P2RX7: variants seen among roughly 807,000 people sequenced by gnomAD.
The protein encoded by P2RX7 is P2X purinoceptor 7.
Under a neutral mutation model 71.6 loss-of-function variants are expected in P2RX7, and 62 were observed. The observed-to-expected ratio is 0.87, with a 90% CI of 0.71 to 1.07. The LOEUF (loss-of-function observed/expected upper bound fraction) is 1.07, where lower values mean the gene tolerates loss of function less well. Among genes scored for constraint, P2RX7 ranks in the 50% least tolerant of loss-of-function variants. The pLI is 0.00. For missense variants in P2RX7, 686 were observed against 748.5 expected, an observed-to-expected ratio of 0.92 and a Z score of 0.97; for synonymous variants, 299 against 283.3, an observed-to-expected ratio of 1.06 and a Z score of -0.56.
intron 3 of P2RX7, 120 bp from the exon 4 acceptor site, chr12:121,160,782 G>A (rs191414811): frequency 8.1e-6 from 7 of 862,264 alleles, no homozygotes; most frequent in African/African-American, 3.3e-5. Context: ...CTTTTTTGGC[G>A]ATTCTGAGTA....
chr12:121,159,902 A>G (rs1053519621), intron 3 of P2RX7, among the ~76,000 whole-genome samples: 3 of 152,124 alleles, frequency 2.0e-5, no homozygotes, highest in Admixed American at 1.3e-4. Flanking sequence ...CATCCCAGCC[A>G]GCATCCCTGA....
intron 1 of P2RX7, among the ~76,000 whole-genome samples, chr12:121,137,915 G>A (rs1874035554): frequency 6.6e-6 from 1 of 152,206 alleles, no homozygotes; most frequent in Non-Finnish European, 1.5e-5. Flanking sequence ...TATTGAAAAT[G>A]GGATACAAAG....
intron 1 of P2RX7, among the ~76,000 whole-genome samples, chr12:121,151,046 T>C (rs1039630705): frequency 2.6e-5 from 4 of 152,132 alleles, no homozygotes; most frequent in African/African-American, 9.7e-5. Context: ...CTTCATCCCA[T>C]TCTCTTTCCT....
At position 121,147,911 on chromosome 12, in the gene P2RX7, C is replaced by T. The variant is rs1174538048; in HGVS notation, c.126-6874C>T. Among the ~76,000 whole-genome samples the T allele has an allele frequency of 2.0e-5, 3 of 151,880 alleles. No individual in the cohort carries two copies. The East Asian group carries it at 5.8e-4, about 29-fold the overall frequency. On this transcript the variant is annotated intron_variant, in intron 1 of 12. Transcript: ENST00000328963. ...TACATGAGTGAGCCACCGAGCCCAG[C>T]CAAAATGGGCCGTTTCATATGTTCA...
intron 1 of P2RX7, among the ~76,000 whole-genome samples, chr12:121,136,647 C>CTTTT (rs66894143): frequency 7.9e-4 from 94 of 119,192 alleles, no homozygotes; most frequent in Non-Finnish European, 1.1e-3. Context: ...TTCTTTCTTT[C>CTTTT]TTTTTTTTTT....
At chr12:121,150,904 G>A (rs111259202) in intron 1 of P2RX7, among the ~76,000 whole-genome samples, 7,491 of 152,262 alleles carry the variant, frequency 0.049, 225 homozygotes, top group South Asian at 0.08. Context: ...GTGAGACTCC[G>A]TCTCAAATAA....
intron 1 of P2RX7, among the ~76,000 whole-genome samples, chr12:121,140,350 A>C (rs1226905894): frequency 6.6e-6 from 1 of 152,186 alleles, no homozygotes; most frequent in Admixed American, 6.5e-5. Context: ...GAAGCCACTG[A>C]AAAGTTTTAT....
At chr12:121,170,243 C>CT in intron 8 of P2RX7, among the ~76,000 whole-genome samples, 1 of 152,276 alleles carries the variant, frequency 6.6e-6, no homozygotes. Context: ...GGTCCCCTGA[C>CT]TGACTGCCCT....
At chr12:121,141,952 C>G (rs367703158) in intron 1 of P2RX7, among the ~76,000 whole-genome samples, 2 of 152,168 alleles carry the variant, frequency 1.3e-5, no homozygotes, top group African/African-American at 4.8e-5. Context: ...ATGCCCCAGG[C>G]AACACTTTGA....
intron 8 of P2RX7, among the ~76,000 whole-genome samples, chr12:121,173,255 G>A (rs551879468): frequency 2.5e-4 from 38 of 152,002 alleles, no homozygotes; most frequent in African/African-American, 8.0e-4. Context: ...GTGTGATATC[G>A]GCTCACTGCA....
At position 121,149,941 on chromosome 12, in the gene P2RX7, G is replaced by A. The variant is rs796961865; in HGVS notation, c.126-4844G>A. ...ACTCCCGTTAGCTCCAGGTACCAGC[G>A]GCTTTGCCTTCTACAGAATGCATAA... On this transcript the variant is annotated intron_variant, in intron 1 of 12. Transcript: ENST00000328963. This position sits in a 1 kb window ranked among gnomAD's most constrained non-coding sequence, Gnocchi z 4.7. Among the ~76,000 whole-genome samples, 8 of 152,084 alleles carry A rather than the reference G, an allele frequency of 5.3e-5. No homozygotes were observed. Among genetic ancestry groups the A allele is most frequent in the African/African-American group, 1.4e-4 (6 of 41,392 alleles).
At chr12:121,174,162 C>T (rs1679084428) in intron 8 of P2RX7, among the ~76,000 whole-genome samples, 1 of 149,626 alleles carries the variant, frequency 6.7e-6, no homozygotes, top group Non-Finnish European at 1.5e-5. Flanking sequence ...ATTCTCGTGC[C>T]TCAGCGTCCT....
At chr12:121,138,244 G>A (rs986174244) in intron 1 of P2RX7, among the ~76,000 whole-genome samples, 3 of 152,244 alleles carry the variant, frequency 2.0e-5, no homozygotes, top group East Asian at 1.9e-4. Context: ...GGACGGATCC[G>A]TCTCCCTACA....
At chr12:121,134,779 G>A (rs1014463263) in intron 1 of P2RX7, among the ~76,000 whole-genome samples, 3 of 151,238 alleles carry the variant, frequency 2.0e-5, no homozygotes, top group African/African-American at 2.5e-5. Flanking sequence ...CTGATGGTGA[G>A]TGCCTCTTAT....
intron 5 of P2RX7, among the ~76,000 whole-genome samples, chr12:121,165,070 C>T (rs917596811): frequency 6.6e-6 from 1 of 152,128 alleles, no homozygotes; most frequent in African/African-American, 2.4e-5. Context: ...CACCTCCCAC[C>T]AGGCCCCTCC....
chr12:121,133,442 C>G (rs1013874780), intron 1 of P2RX7, among the ~76,000 whole-genome samples: 13 of 152,364 alleles, frequency 8.5e-5, no homozygotes, highest in South Asian at 2.1e-4. Flanking sequence ...GGTGATCATG[C>G]TGGCATCTGA....
chr12:121,177,118 C>A, intron 9 of P2RX7, 29 bp from the exon 10 acceptor site: 1 of 1,603,380 alleles, frequency 6.2e-7, no homozygotes, highest in African/African-American at 1.3e-5. Context: ...TGAATTTCAC[C>A]TGAGTAAACT....
chr12:121,167,697 G>C (rs1229515136), intron 8 of P2RX7, 73 bp downstream of exon 8: 3 of 1,323,926 alleles, frequency 2.3e-6, no homozygotes, highest in African/African-American at 3.0e-5. Context: ...GACTAATTTT[G>C]GTTTCCAAGG....
chr12:121,164,571 A>C (rs1593089951), intron 5 of P2RX7, among the ~76,000 whole-genome samples: 1 of 152,218 alleles, frequency 6.6e-6, no homozygotes, highest in East Asian at 1.9e-4. Context: ...ACTTGAGGTC[A>C]GGAGTTCGAT....
Sources: allele counts gnomAD v4.1 joint callset (sites outside exome capture counted in the v4.1 genomes callset), GRCh38; gene constraint gnomAD v4.1.1; non-coding constraint Gnocchi (gnomAD v3.1); transcripts MANE v1.5; gene names NCBI Gene and HGNC (gene_info 2026-07-23, HGNC 2026-07-21).